MAPRE2: variants seen among roughly 807,000 people sequenced by gnomAD.
The protein encoded by MAPRE2 is microtubule-associated protein RP/EB family member 2.
In MAPRE2, 13 loss-of-function variants were observed where a neutral mutation model predicts 43.2. The ratio of observed to expected loss-of-function variants is 0.30; its 90% confidence interval spans 0.20 to 0.48. MAPRE2 has a LOEUF of 0.48. MAPRE2 is among the 20% of genes least tolerant of loss of function. The pLI is 0.99. For synonymous variants in MAPRE2, 135 were observed against 148.8 expected (o/e 0.91, Z 0.68); for missense variants, 161 against 400.2 (o/e 0.40, Z 5.10).
Position 35,126,934 on chromosome 18 carries a change from C to T in MAPRE2, c.611-14C>T, listed in dbSNP as rs751185431. 2.5e-6 allele frequency: 4 copies of T among 1,611,620 alleles called. No individual in the cohort carries two copies. The highest frequency in any genetic ancestry group is 3.4e-6 in the Non-Finnish European group (4 of 1,178,738). The stretch of plus-strand genomic sequence containing the variant: ...ATATTGCCAGTATTTATCATTTATT[C>T]TGATTGCTTTCAGGTGCAGCTAAAT... On this transcript the variant is annotated splice_polypyrimidine_tract_variant and intron_variant, in intron 4 of 6. Coordinates refer to ENST00000300249, the MANE Select transcript of MAPRE2 (RefSeq NM_014268.4).
At chr18:35,006,917 C>T (rs970660763) in intron 2 of MAPRE2, among the ~76,000 whole-genome samples, 12 of 152,172 alleles carry the variant, frequency 7.9e-5, no homozygotes, top group African/African-American at 1.9e-4. Flanking sequence ...GAGCCAAGAT[C>T]GTGCCACTGC....
intron 6 of MAPRE2, among the ~76,000 whole-genome samples, chr18:35,138,253 C>A (rs2144262589): frequency 6.6e-6 from 1 of 152,242 alleles, no homozygotes; most frequent in Non-Finnish European, 1.5e-5. Flanking sequence ...TCCCTGAGGT[C>A]AAAGAGCACC....
At chr18:35,002,101 C>G (rs1184603276) in intron 1 of MAPRE2, among the ~76,000 whole-genome samples, 2 of 152,170 alleles carry the variant, frequency 1.3e-5, no homozygotes, top group East Asian at 1.9e-4. Flanking sequence ...GCCCTCACCC[C>G]CTCCTCTTAA....
intron 2 of MAPRE2, among the ~76,000 whole-genome samples, chr18:35,015,635 T>TGC (rs1441310287): frequency 1.1e-4 from 3 of 26,642 alleles, no homozygotes; most frequent in Non-Finnish European, 4.1e-4. Context: ...GGGATGGCAG[T>TGC]GTGTGTGTGT....
rs186911933 is a variant in MAPRE2 at position 35,134,582 on chromosome 18, A to G, written c.909+2392A>G. Among the ~76,000 whole-genome samples, 14 of 152,350 alleles carry G rather than the reference A, an allele frequency of 9.2e-5. No individual in the cohort carries two copies. In the East Asian group the frequency reaches 2.7e-3, roughly 29 times the overall value. On this transcript the variant is annotated intron_variant, in intron 6 of 6. Coordinates refer to ENST00000300249, the MANE Select transcript of MAPRE2 (RefSeq NM_014268.4). The stretch of plus-strand genomic sequence containing the variant: ...CCTCCCTCGCCGAGTGGTGGGTACC[A>G]TGGAGCAGGGAGGAAACGAACATAG...
intron 2 of MAPRE2, among the ~76,000 whole-genome samples, chr18:35,077,618 T>C (rs1907433946): frequency 6.6e-6 from 1 of 152,194 alleles, no homozygotes; most frequent in African/African-American, 2.4e-5. Flanking sequence ...TCATCATTGA[T>C]TTCATTAACT....
chr18:35,059,709 C>T (rs531901085), intron 1 of MAPRE2, among the ~76,000 whole-genome samples: 17 of 152,130 alleles, frequency 1.1e-4, no homozygotes, highest in African/African-American at 4.1e-4. Flanking sequence ...ATGGAGGGTT[C>T]ACTGGGGAGT....
At chr18:35,083,705 C>G (rs1907746024) in intron 2 of MAPRE2, among the ~76,000 whole-genome samples, 2 of 152,284 alleles carry the variant, frequency 1.3e-5, no homozygotes, top group African/African-American at 2.4e-5. Flanking sequence ...CAAGAAATCA[C>G]TGGTGTTAGA....
chr18:34,996,992 C>T (rs2097026811), intron 1 of MAPRE2, among the ~76,000 whole-genome samples: 1 of 152,156 alleles, frequency 6.6e-6, no homozygotes, highest in Non-Finnish European at 1.5e-5. Flanking sequence ...TCAGTTTCTT[C>T]ACCTAAAGAG....
chr18:35,000,659 A>G (rs993018685), intron 1 of MAPRE2, among the ~76,000 whole-genome samples: 2 of 152,204 alleles, frequency 1.3e-5, no homozygotes, highest in Non-Finnish European at 2.9e-5. Context: ...TTATCCTAAC[A>G]AAGATATTTG....
intron 2 of MAPRE2, among the ~76,000 whole-genome samples, chr18:35,095,740 A>G (rs989355507): frequency 5.9e-5 from 9 of 152,100 alleles, no homozygotes; most frequent in Non-Finnish European, 1.0e-4. Context: ...GGCAATTGGA[A>G]TTTGCTCCAT....
At chr18:35,130,978 C>T (rs571409215) in intron 5 of MAPRE2, among the ~76,000 whole-genome samples, 1 of 152,178 alleles carries the variant, frequency 6.6e-6, no homozygotes, top group East Asian at 1.9e-4. Flanking sequence ...GAACCAGGAT[C>T]GAGGGGAAGA....
intron 1 of MAPRE2, among the ~76,000 whole-genome samples, chr18:34,999,372 G>A (rs949225806): frequency 1.5e-4 from 23 of 152,056 alleles, no homozygotes; most frequent in Admixed American, 1.3e-4. Flanking sequence ...TGTACATTGA[G>A]CACTATAAAT....
chr18:35,105,551 A>T (rs1041490852), intron 4 of MAPRE2, among the ~76,000 whole-genome samples: 1 of 152,162 alleles, frequency 6.6e-6, no homozygotes, highest in Non-Finnish European at 1.5e-5. Context: ...AAGATAATAT[A>T]AGCCAAAATG....
upstream of MAPRE2, among the ~76,000 whole-genome samples, chr18:35,039,664 A>T (rs1001042335): frequency 2.0e-5 from 3 of 152,244 alleles, no homozygotes; most frequent in African/African-American, 7.2e-5. Context: ...TAATTCCAGA[A>T]ACTTGATACC....
intron 1 of MAPRE2, among the ~76,000 whole-genome samples, chr18:35,062,971 C>G (rs1906609673): frequency 6.6e-6 from 1 of 152,126 alleles, no homozygotes; most frequent in Non-Finnish European, 1.5e-5. Context: ...GATGGGAGAA[C>G]ATGTTGAAAA....
At position 35,070,328 on chromosome 18, in the gene MAPRE2, ACATATTCTTTTAAGT is replaced by A; in HGVS notation, c.250+7_250+21del. On this transcript the variant is annotated splice_region_variant and intron_variant, in intron 2 of 6. Coordinates refer to ENST00000300249, the MANE Select transcript of MAPRE2 (RefSeq NM_014268.4). Reference sequence around the variant, plus strand: ...AGTGGAACAGCTTTGTTCAGGTAAGACATATTCTTTTAAGTGTTTACCTAAATATTTACAGTCTGT... The same window carrying A: ...AGTGGAACAGCTTTGTTCAGGTAAGAGTTTACCTAAATATTTACAGTCTGT... 1.3e-6 allele frequency: 2 copies of A among 1,588,370 alleles called. No individual in the cohort carries two copies. Among genetic ancestry groups the A allele is most frequent in the East Asian group, 4.5e-5 (2 of 44,126 alleles).
chr18:34,977,807 T>G (rs1227579405), intron 1 of MAPRE2, among the ~76,000 whole-genome samples: 2 of 152,190 alleles, frequency 1.3e-5, no homozygotes, highest in Non-Finnish European at 2.9e-5. Flanking sequence ...CTCGGCTTAG[T>G]GGGAAATTCT....
chr18:35,086,315 G>A (rs1276951640), intron 2 of MAPRE2, among the ~76,000 whole-genome samples: 1 of 150,990 alleles, frequency 6.6e-6, no homozygotes, highest in Non-Finnish European at 1.5e-5. Flanking sequence ...CATATATATG[G>A]GCGATCAATA....
Sources: allele counts gnomAD v4.1 joint callset (sites outside exome capture counted in the v4.1 genomes callset), GRCh38; gene constraint gnomAD v4.1.1; transcripts MANE v1.5; gene names NCBI Gene and HGNC (gene_info 2026-07-23, HGNC 2026-07-21).